The following GTF2A1 variants were observed in gnomAD, a reference collection of about 807,000 sequenced individuals.
The protein encoded by GTF2A1 is general transcription factor IIA subunit 1.
GTF2A1 carries 12 observed loss-of-function variants against 54.1 expected under a neutral mutation model. The ratio of observed to expected loss-of-function variants is 0.22; its 90% CI spans 0.14 to 0.36. GTF2A1 has a LOEUF of 0.36. Among genes scored for constraint, GTF2A1 ranks in the 10% least tolerant of loss-of-function variants. The pLI is 1.00. For missense variants in GTF2A1, 335 were observed against 442.2 expected (o/e 0.76, Z 2.17); for synonymous variants, 145 against 152.0 (o/e 0.95, Z 0.34).
rs554267752 is a variant in GTF2A1 at position 81,189,491 on chromosome 14, G to A, written c.933+3028C>T. Reference sequence around the variant, plus strand: ...TCAAGACCATCCTGGCTAACACAGCGAAACCCCATCTCTACTAAAAATACA... The same window carrying A: ...TCAAGACCATCCTGGCTAACACAGCAAAACCCCATCTCTACTAAAAATACA... On this transcript the variant is annotated intron_variant, in intron 7 of 8. Coordinates refer to ENST00000553612, the MANE Select transcript of GTF2A1 (RefSeq NM_015859.4). 6.6e-5 allele frequency among the ~76,000 whole-genome samples: 10 copies of A among 152,182 alleles called. No individual in the cohort carries two copies. In the East Asian group the frequency reaches 1.4e-3, roughly 21 times the overall value.
chr14:81,186,712 GC>G (rs1892755549), intron 7 of GTF2A1, among the ~76,000 whole-genome samples: 2 of 152,148 alleles, frequency 1.3e-5, no homozygotes, highest in African/African-American at 4.8e-5. Context: ...ACTTTGGGTG[GC>G]CTAGGCGGGA....
chr14:81,219,350 T>C (rs1003578037), intron 1 of GTF2A1, among the ~76,000 whole-genome samples: 14 of 152,202 alleles, frequency 9.2e-5, no homozygotes, highest in Non-Finnish European at 2.9e-5. Context: ...CCAGCCCCGC[T>C]CTCAGCAGCT....
chr14:81,176,321 T>C lies in GTF2A1; in HGVS notation c.*3902A>G, dbSNP rs1019372830. ...TCTGCAATGAATTTTACAAACATAA[T>C]AAATATATTTACGCCATTACACATA... On this transcript the variant is annotated 3_prime_UTR_variant, in exon 9 of 9. Coordinates refer to ENST00000553612, the MANE Select transcript of GTF2A1 (RefSeq NM_015859.4). 6 of 152,076 alleles carry C rather than the reference T, an allele frequency of 3.9e-5. No individual in the cohort carries two copies. The highest frequency in any genetic ancestry group is 1.4e-4 in the African/African-American group (6 of 41,418). 9.4% of individuals were successfully genotyped at this position (152,076 alleles called of 1,614,324 possible). A position where few individuals can be genotyped will look rare whatever the true frequency, so the allele number is the denominator to read the frequency against.
chr14:81,202,697 ATGTT>A (rs1289175330), intron 3 of GTF2A1: 3 of 517,250 alleles, frequency 5.8e-6, no homozygotes, highest in African/African-American at 5.8e-5. Flanking sequence ...AAGGAATTAC[ATGTT>A]TGATTCCGCA....
In GTF2A1 at chr14:81,178,366, C is replaced by T. The variant is rs1243251255; in HGVS notation, c.*1857G>A. 1.3e-5 allele frequency: 2 copies of T among 152,154 alleles called. No individual in the cohort carries two copies. The highest frequency in any genetic ancestry group is 2.9e-5 in the Non-Finnish European group (2 of 68,016). 9.4% of individuals were successfully genotyped at this position (152,154 alleles called of 1,614,324 possible). On this transcript the variant is annotated 3_prime_UTR_variant, in exon 9 of 9. Coordinates refer to ENST00000553612, the MANE Select transcript of GTF2A1 (RefSeq NM_015859.4). ...ATGTTACTCCCTCCCATTTCCTCTT[C>T]TCTCAGTCTTAATAATATATATTTT...
At chr14:81,208,112 CCA>C (rs1409670640) in intron 2 of GTF2A1, among the ~76,000 whole-genome samples, 1 of 152,172 alleles carries the variant, frequency 6.6e-6, no homozygotes, top group East Asian at 1.9e-4. Context: ...TGTCTCCAGG[CCA>C]TATCAGAGAC....
intron 1 of GTF2A1, among the ~76,000 whole-genome samples, chr14:81,219,471 T>C (rs1036228038): frequency 1.3e-5 from 2 of 152,138 alleles, no homozygotes; most frequent in Non-Finnish European, 2.9e-5. Context: ...AATGGCTCTA[T>C]ATAAACAGGG....
chr14:81,203,980 T>C lies in GTF2A1; in HGVS notation c.257A>G (p.His86Arg), dbSNP rs1326386458. The change falls in exon 3 of 9, where the codon CAT becomes CGT. Residue 86 changes from histidine (H) to arginine (R), a missense_variant. By Grantham distance (29) the His-to-Arg change is conservative. Around this residue, in one of 2 missense-constraint regions of GTF2A1, gnomAD observed 306 missense variants for 360.4 expected, o/e 0.85. Coordinates refer to ENST00000553612, the MANE Select transcript of GTF2A1 (RefSeq NM_015859.4). ...PQQQQHHHHH[H>R]HQQAQPQQTV... ...CTGCTGAGGCTGAGCTTGCTGATGATGGTGATGGTGGTGATGCTGCTGCTG... is the reference window on the plus strand; with the variant it reads ...CTGCTGAGGCTGAGCTTGCTGATGACGGTGATGGTGGTGATGCTGCTGCTG... 1.9e-6 allele frequency: 3 copies of C among 1,613,866 alleles called. No individual in the cohort carries two copies. The highest frequency in any genetic ancestry group is 2.5e-6 in the Non-Finnish European group (3 of 1,179,932).
chr14:81,196,188 G>A lies in GTF2A1; in HGVS notation c.532C>T (p.Pro178Ser). The change falls in exon 6 of 9, where the codon CCT becomes TCT. Residue 178 changes from proline to serine, a missense_variant. This residue lies in a region of GTF2A1 where 306 missense variants were observed against 360.4 expected (regional missense o/e 0.85). Coordinates refer to ENST00000553612, the MANE Select transcript of GTF2A1 (RefSeq NM_015859.4). ...AANGAQYIFQ[P>S]QQSVVLQQQV... Reference sequence around the variant, plus strand: ...TGTTGTAGAACCACTGACTGCTGAGGCTGAAAGATATATTGGGCACCATTG... The same window carrying A: ...TGTTGTAGAACCACTGACTGCTGAGACTGAAAGATATATTGGGCACCATTG... 1 of 1,613,884 alleles carries A rather than the reference G, an allele frequency of 6.2e-7. No individual in the cohort carries two copies. Among genetic ancestry groups the A allele is most frequent in the South Asian group, 1.1e-5 (1 of 91,074 alleles).
chr14:81,209,500 G>C (rs548229693), intron 2 of GTF2A1, among the ~76,000 whole-genome samples: 1 of 151,958 alleles, frequency 6.6e-6, no homozygotes, highest in Non-Finnish European at 1.5e-5. Context: ...TAACAACCTG[G>C]AATACTTATT....
chr14:81,187,550 A>G (rs1012254423), intron 7 of GTF2A1, among the ~76,000 whole-genome samples: 1 of 152,166 alleles, frequency 6.6e-6, no homozygotes, highest in Non-Finnish European at 1.5e-5. Context: ...CTGGCAATCT[A>G]TAATCTGCTG....
At chr14:81,199,403 A>AT (rs1452365037) in intron 4 of GTF2A1, among the ~76,000 whole-genome samples, 1 of 152,256 alleles carries the variant, frequency 6.6e-6, no homozygotes, top group Non-Finnish European at 1.5e-5. Context: ...TTCATAAAAA[A>AT]GAACCGAAAA....
intron 8 of GTF2A1, among the ~76,000 whole-genome samples, chr14:81,182,524 C>G (rs941402785): frequency 1.3e-5 from 2 of 152,108 alleles, no homozygotes; most frequent in Non-Finnish European, 2.9e-5. Context: ...CAAAACAAAT[C>G]CAAAATCCAA....
At position 81,192,654 on chromosome 14, in the gene GTF2A1, T is replaced by C. The variant is rs368425141; in HGVS notation, c.798A>G (p.Gln266=). 2.5e-6 allele frequency: 4 copies of C among 1,614,080 alleles called. No homozygotes were observed. Among genetic ancestry groups the C allele is most frequent in the African/African-American group, 2.7e-5 (2 of 74,944 alleles). The part of the protein sequence containing the change: ...QQPQAQPAQT[Q]APLVLQVDGT... ...CATCAACTTGTAAGACCAATGGAGC[T>C]TGTGTTTGAGCAGGCTGGGCCTGCG... The change falls in exon 7 of 9, where the codon CAA becomes CAG. Residue 266 remains glutamine, a synonymous_variant. Transcript: ENST00000553612.
At chr14:81,196,387 C>T in intron 5 of GTF2A1, 146 bp from the exon 6 acceptor site, 1 of 759,734 alleles carries the variant, frequency 1.3e-6, no homozygotes, top group South Asian at 1.7e-5. Context: ...CATTCATACA[C>T]AGTATGCATA....
chr14:81,190,542 T>C (rs923920274), intron 7 of GTF2A1, among the ~76,000 whole-genome samples: 1 of 152,072 alleles, frequency 6.6e-6, no homozygotes, highest in South Asian at 2.1e-4. Flanking sequence ...TAACATTACG[T>C]GAGAAATTAT....
intron 7 of GTF2A1, among the ~76,000 whole-genome samples, chr14:81,188,075 C>A (rs781470075): frequency 1.7e-4 from 26 of 152,330 alleles, no homozygotes; most frequent in African/African-American, 2.6e-4. Flanking sequence ...TCTCTAATGA[C>A]TAATGATGCT....
intron 8 of GTF2A1, 79 bp from the exon 9 acceptor site, chr14:81,180,409 A>C (rs1268158485): frequency 4.4e-6 from 3 of 684,098 alleles, no homozygotes; most frequent in Non-Finnish European, 8.0e-6. Context: ...ACCCATACAC[A>C]CACACACGTA....
At chr14:81,204,550 A>C (rs1006820406) in intron 2 of GTF2A1, among the ~76,000 whole-genome samples, 1 of 152,214 alleles carries the variant, frequency 6.6e-6, no homozygotes, top group African/African-American at 2.4e-5. Context: ...AATAACATAC[A>C]AAACATAAAT....
Sources: allele counts gnomAD v4.1 joint callset (sites outside exome capture counted in the v4.1 genomes callset), GRCh38; gene constraint gnomAD v4.1.1; regional missense constraint gnomAD v4.1.1; transcripts MANE v1.5; gene names NCBI Gene and HGNC (gene_info 2026-07-23, HGNC 2026-07-21).